Variants in LYPLA1 observed in about 807,000 individuals in gnomAD.
LYPLA1 encodes the protein acyl-protein thioesterase 1.
In LYPLA1, 17 loss-of-function variants were observed where a neutral mutation model predicts 34.0. The observed-to-expected ratio is 0.50, with a 90% CI of 0.34 to 0.75. LYPLA1 has a LOEUF of 0.75. Among genes scored for constraint, LYPLA1 ranks in the 30% least tolerant of loss-of-function variants. The pLI, the probability that LYPLA1 is intolerant of heterozygous loss-of-function variation, is 0.01. For synonymous variants in LYPLA1, 98 were observed against 100.8 expected (o/e 0.97, Z 0.17); for missense variants, 203 against 288.8 (o/e 0.70, Z 2.15).
intron 5 of LYPLA1, among the ~76,000 whole-genome samples, chr8:54,058,256 G>A (rs887104405): frequency 6.6e-6 from 1 of 152,116 alleles, no homozygotes; most frequent in Non-Finnish European, 1.5e-5. Flanking sequence ...AAAAATCACA[G>A]AATTGGCCAG....
At chr8:54,078,046 G>A (rs938059843) in intron 2 of LYPLA1, among the ~76,000 whole-genome samples, 18 of 152,116 alleles carry the variant, frequency 1.2e-4, no homozygotes, top group African/African-American at 4.3e-4. Context: ...TACCTTCTAG[G>A]TTCAAGCAAT....
chr8:54,064,813 C>T (rs997282209), intron 3 of LYPLA1, among the ~76,000 whole-genome samples: 1 of 152,008 alleles, frequency 6.6e-6, no homozygotes, highest in African/African-American at 2.4e-5. Context: ...CATAAAAATA[C>T]ATTAACACTA....
chr8:54,062,547 T>C (rs1376963232), intron 4 of LYPLA1, among the ~76,000 whole-genome samples: 1 of 151,568 alleles, frequency 6.6e-6, no homozygotes, highest in Non-Finnish European at 1.5e-5. Context: ...AGTCTCACTC[T>C]GTTGCTCAGG....
intron 2 of LYPLA1, among the ~76,000 whole-genome samples, chr8:54,076,193 T>C (rs1308943246): frequency 1.3e-5 from 2 of 152,016 alleles, no homozygotes; most frequent in Admixed American, 6.6e-5. Flanking sequence ...TAAAAAAGCA[T>C]CTAGAAGGAC....
chr8:54,100,671 G>C (rs192718423), intron 2 of LYPLA1: 1 of 502,268 alleles, frequency 2.0e-6, no homozygotes, highest in Non-Finnish European at 3.5e-6. Context: ...CAACTAATGA[G>C]GAATTTGAAA....
At position 54,055,056 on chromosome 8, in the gene LYPLA1, T is replaced by C. The variant is rs1413482564; in HGVS notation, c.360+4A>G. ...ACTGACATTCCACTCAAATTTTATC[T>C]TACCTGAGAAAACCCTCCCAAAATA... On this transcript the variant is annotated splice_donor_region_variant and intron_variant, in intron 6 of 8. Transcript: ENST00000316963. 6.3e-7 allele frequency: 1 copy of C among 1,575,466 alleles called. No homozygotes were observed. Among genetic ancestry groups the C allele is most frequent in the African/African-American group, 1.3e-5 (1 of 74,108 alleles).
At chr8:54,071,582 T>A (rs1015606308) in intron 2 of LYPLA1, among the ~76,000 whole-genome samples, 2 of 152,148 alleles carry the variant, frequency 1.3e-5, no homozygotes, top group African/African-American at 4.8e-5. Flanking sequence ...GACAGCGATA[T>A]GAGATTTTTT....
At chr8:54,098,967 T>C (rs1809900150) in intron 2 of LYPLA1, among the ~76,000 whole-genome samples, 2 of 152,224 alleles carry the variant, frequency 1.3e-5, no homozygotes, top group Admixed American at 1.3e-4. Flanking sequence ...GAGACCTTTG[T>C]TTTTTCTTTT....
chr8:54,068,007 T>G (rs1807201334), intron 2 of LYPLA1, among the ~76,000 whole-genome samples: 1 of 152,116 alleles, frequency 6.6e-6, no homozygotes. Context: ...TACTTTTCTA[T>G]TAACTATTTT....
chr8:54,048,670 TCA>T (rs1302851219), intron 8 of LYPLA1, among the ~76,000 whole-genome samples: 1 of 152,216 alleles, frequency 6.6e-6, no homozygotes, highest in African/African-American at 2.4e-5. Context: ...TGCATTTGGC[TCA>T]GTTTTCTCAC....
chr8:54,084,133 A>AAAATATATATATATATACATATATAT (rs1373090573), intron 2 of LYPLA1, among the ~76,000 whole-genome samples: 20 of 120,476 alleles, frequency 1.7e-4, no homozygotes, highest in African/African-American at 8.8e-4. Flanking sequence ...AGAAAAAAAA[A>AAAATATATATATATATACATATATAT]ATAAATAAAT....
chr8:54,071,358 G>T (rs570596843), intron 2 of LYPLA1, among the ~76,000 whole-genome samples: 9 of 152,132 alleles, frequency 5.9e-5, no homozygotes, highest in Non-Finnish European at 1.3e-4. Context: ...TTGTATGTTG[G>T]TTATGTACAA....
chr8:54,094,556 T>G (rs867551727), intron 2 of LYPLA1, among the ~76,000 whole-genome samples: 3 of 152,200 alleles, frequency 2.0e-5, no homozygotes, highest in Admixed American at 6.5e-5. Context: ...TGAATACTTA[T>G]AAATACTAAA....
chr8:54,081,830 A>G (rs2129351189), intron 2 of LYPLA1, among the ~76,000 whole-genome samples: 1 of 152,026 alleles, frequency 6.6e-6, no homozygotes, highest in African/African-American at 2.4e-5. Flanking sequence ...CCCAGGTTCA[A>G]GTGATTCTCC....
intron 7 of LYPLA1, 54 bp from the exon 8 acceptor site, chr8:54,051,242 A>G: frequency 1.4e-6 from 2 of 1,409,404 alleles, no homozygotes; most frequent in South Asian, 1.4e-5. Flanking sequence ...ATAGGACACT[A>G]TGCCAGGCAT....
intron 3 of LYPLA1, among the ~76,000 whole-genome samples, chr8:54,063,754 T>C (rs1043854962): frequency 3.9e-5 from 6 of 152,250 alleles, no homozygotes; most frequent in Non-Finnish European, 8.8e-5. Flanking sequence ...ACTGATACTG[T>C]AGCATCAATT....
chr8:54,062,196 A>T, intron 5 of LYPLA1, 58 bp downstream of exon 5: 1 of 1,235,838 alleles, frequency 8.1e-7, no homozygotes, highest in South Asian at 1.3e-5. Context: ...TATGATTACT[A>T]AATCTACTAA....
chr8:54,093,820 G>A (rs1159985734), intron 2 of LYPLA1, among the ~76,000 whole-genome samples: 1 of 152,202 alleles, frequency 6.6e-6, no homozygotes, highest in Non-Finnish European at 1.5e-5. Flanking sequence ...TTTATGGTAT[G>A]TGAATTTTAT....
intron 3 of LYPLA1, among the ~76,000 whole-genome samples, chr8:54,065,459 AAAAT>A (rs4014133): frequency 0.13 from 19,242 of 145,900 alleles, 3,323 homozygotes; most frequent in African/African-American, 0.41. Context: ...CTCTGTCTCA[AAAAT>A]AAATAAATAA....
Sources: allele counts gnomAD v4.1 joint callset (sites outside exome capture counted in the v4.1 genomes callset), GRCh38; gene constraint gnomAD v4.1.1; transcripts MANE v1.5; gene names NCBI Gene and HGNC (gene_info 2026-07-23, HGNC 2026-07-21).